DDAH1: variants seen among roughly 807,000 people sequenced by gnomAD.
The protein encoded by DDAH1 is N(G),N(G)-dimethylarginine dimethylaminohydrolase 1.
A neutral mutation model predicts 28.8 loss-of-function variants in DDAH1; 19 were observed. The ratio of observed to expected loss-of-function variants is 0.66; its 90% CI spans 0.46 to 0.97. DDAH1 has a LOEUF of 0.97. Among genes scored for constraint, DDAH1 ranks in the 50% least tolerant of loss-of-function variants. The pLI is 0.00. For synonymous variants in DDAH1, 153 were observed against 154.4 expected, an observed-to-expected ratio of 0.99 and a Z score of 0.07; for missense variants, 326 against 375.9, an observed-to-expected ratio of 0.87 and a Z score of 1.10.
chr1:85,338,000 T>C (rs1278459515), intron 4 of DDAH1, among the ~76,000 whole-genome samples: 2 of 152,208 alleles, frequency 1.3e-5, no homozygotes, highest in African/African-American at 2.4e-5. Context: ...TCTCAAATTC[T>C]CTCTAACAAG....
In DDAH1 at chr1:85,360,757, T is replaced by C. The variant is rs142862892; in HGVS notation, c.304-1910A>G. Among the ~76,000 whole-genome samples the C allele has an allele frequency of 2.2e-3, 330 of 152,334 alleles. 2 individuals are homozygous for C. The highest frequency in any genetic ancestry group is 7.7e-3 in the African/African-American group (321 of 41,580). ...GAGAATAGAAGTAGGGAGTCTACTATATACCAGTTTCAGAAACATTACATC... is the reference window on the plus strand; with the variant it reads ...GAGAATAGAAGTAGGGAGTCTACTACATACCAGTTTCAGAAACATTACATC... On this transcript the variant is annotated intron_variant, in intron 1 of 5. Coordinates refer to ENST00000284031, the MANE Select transcript of DDAH1 (RefSeq NM_012137.4).
At chr1:85,412,861 C>A (rs1198366403) in intron 1 of DDAH1, among the ~76,000 whole-genome samples, 1 of 152,074 alleles carries the variant, frequency 6.6e-6, no homozygotes, top group Non-Finnish European at 1.5e-5. Context: ...ATTAGCTGGG[C>A]ATGGTGGCAC....
At chr1:85,381,380 G>C (rs1283210754) in intron 1 of DDAH1, among the ~76,000 whole-genome samples, 1 of 151,358 alleles carries the variant, frequency 6.6e-6, no homozygotes, top group Non-Finnish European at 1.5e-5. Flanking sequence ...GGGGGAGCAG[G>C]TGATTTTTGG....
intron 1 of DDAH1, among the ~76,000 whole-genome samples, chr1:85,429,275 C>T (rs1653559250): frequency 6.7e-6 from 1 of 150,178 alleles, no homozygotes; most frequent in Non-Finnish European, 1.5e-5. Flanking sequence ...GTATGGTTTT[C>T]TGTTCCTGTG....
intron 2 of DDAH1, among the ~76,000 whole-genome samples, chr1:85,482,124 T>A (rs1408417815): frequency 2.0e-5 from 3 of 152,204 alleles, no homozygotes; most frequent in African/African-American, 7.2e-5. Flanking sequence ...GTGCATAGAT[T>A]ACCTATAAAT....
chr1:85,512,560 G>T (rs1362780001), intron 1 of DDAH1, among the ~76,000 whole-genome samples: 1 of 152,184 alleles, frequency 6.6e-6, no homozygotes, highest in East Asian at 1.9e-4. Context: ...AAGTCAAATT[G>T]TTCCTGTTTG....
At chr1:85,518,654 T>C (rs1482851484) in intron 1 of DDAH1, among the ~76,000 whole-genome samples, 2 of 152,162 alleles carry the variant, frequency 1.3e-5, no homozygotes, top group African/African-American at 2.4e-5. Flanking sequence ...AGTGATTAGA[T>C]TGGGTGCACC....
chr1:85,560,602 G>A (rs1162993486), intron 1 of DDAH1, among the ~76,000 whole-genome samples: 2 of 151,920 alleles, frequency 1.3e-5, no homozygotes, highest in South Asian at 2.1e-4. Context: ...TTTGAAGAGA[G>A]ACTAGTAAGT....
chr1:85,554,068 C>T (rs1395188193), intron 1 of DDAH1, among the ~76,000 whole-genome samples: 1 of 152,196 alleles, frequency 6.6e-6, no homozygotes, highest in Non-Finnish European at 1.5e-5. Context: ...TAAATGTTAG[C>T]ACCAACATGT....
chr1:85,489,866 T>C (rs975823030), intron 2 of DDAH1, among the ~76,000 whole-genome samples: 2 of 152,184 alleles, frequency 1.3e-5, no homozygotes, highest in African/African-American at 2.4e-5. Context: ...AACAGTGATA[T>C]AGTAAAATTA....
rs138804423 is a variant in DDAH1, at chr1:85,398,552, T to C, written c.304-39705A>G. On this transcript the variant is annotated intron_variant, in intron 1 of 5. Coordinates refer to ENST00000284031, the MANE Select transcript of DDAH1 (RefSeq NM_012137.4). The stretch of plus-strand genomic sequence containing the variant: ...AAAAATGCTAAGCTGGACAACTTGA[T>C]AGAAATTTCAAGGGACAAGTCTCAT... 3.3e-5 allele frequency: 5 copies of C among 152,254 alleles called. No homozygotes were observed. In the East Asian group the frequency reaches 9.7e-4, roughly 29 times the overall value. 9.4% of individuals were successfully genotyped at this position (152,254 alleles called of 1,614,324 possible). A position where few individuals can be genotyped will look rare whatever the true frequency, so the allele number is the denominator to read the frequency against.
At chr1:85,544,350 C>G (rs898247834) in intron 1 of DDAH1, among the ~76,000 whole-genome samples, 1 of 152,116 alleles carries the variant, frequency 6.6e-6, no homozygotes, top group Non-Finnish European at 1.5e-5. Flanking sequence ...TTTCCAAATT[C>G]TTTCAGATGT....
intron 1 of DDAH1, among the ~76,000 whole-genome samples, chr1:85,417,433 A>G (rs937563059): frequency 6.6e-6 from 1 of 152,026 alleles, no homozygotes; most frequent in African/African-American, 2.4e-5. Context: ...TCCATCCCCA[A>G]TATCACCACC....
At chr1:85,327,282 A>G (rs1470089608) in intron 4 of DDAH1, among the ~76,000 whole-genome samples, 3 of 152,216 alleles carry the variant, frequency 2.0e-5, no homozygotes, top group Non-Finnish European at 4.4e-5. Flanking sequence ...AGATAGTGCC[A>G]CTGCACTCCA....
intron 1 of DDAH1, among the ~76,000 whole-genome samples, chr1:85,512,959 C>T (rs533735649): frequency 1.9e-4 from 29 of 152,298 alleles, no homozygotes; most frequent in South Asian, 4.1e-4. Context: ...CCATCCCCAT[C>T]GAGCTACCAA....
chr1:85,428,800 G>A (rs945072434), intron 1 of DDAH1, among the ~76,000 whole-genome samples: 4 of 152,060 alleles, frequency 2.6e-5, no homozygotes, highest in Non-Finnish European at 5.9e-5. Flanking sequence ...ATTTTAGCTA[G>A]AGGATAAGAA....
chr1:85,335,906 G>A (rs1251487331), intron 4 of DDAH1, among the ~76,000 whole-genome samples: 1 of 151,946 alleles, frequency 6.6e-6, no homozygotes, highest in African/African-American at 2.4e-5. Flanking sequence ...AGGTTGCAGT[G>A]CACCAAGATT....
intron 1 of DDAH1, among the ~76,000 whole-genome samples, chr1:85,573,460 GCAGGGTGTGGTGGGAGAGGTGCCTTC>G (rs1202754360): frequency 4.6e-5 from 7 of 152,184 alleles, no homozygotes; most frequent in African/African-American, 1.7e-4. Context: ...AAGATGGATT[GCAGGGTGTGGTGGGAGAGGTGCCTTC>G]CAGTCCTTTC....
At chr1:85,558,068 A>T (rs1357505643) in intron 1 of DDAH1, among the ~76,000 whole-genome samples, 1 of 152,186 alleles carries the variant, frequency 6.6e-6, no homozygotes, top group Non-Finnish European at 1.5e-5. Flanking sequence ...ACCAGTAAAA[A>T]AAAAAAACAT....
Sources: gnomAD v4.1 joint callset for allele counts (sites outside exome capture counted in the v4.1 genomes callset) on GRCh38, gnomAD v4.1.1 for gene constraint, MANE v1.5 for transcripts, NCBI Gene and HGNC (gene_info 2026-07-23, HGNC 2026-07-21) for gene names.